ZNF512B: variants seen among roughly 807,000 people sequenced by gnomAD.
ZNF512B encodes the protein zinc finger protein 512B.
ZNF512B carries 22 observed loss-of-function variants against 87.8 expected under a neutral mutation model. The observed-to-expected ratio is 0.25, with a 90% CI of 0.18 to 0.36. The LOEUF is 0.36. Among genes scored for constraint, ZNF512B ranks in the 10% least tolerant of loss-of-function variants. The probability of loss-of-function intolerance (pLI) is 1.00; values close to 1 mark genes in which losing one functional copy is unlikely to be tolerated. For synonymous variants in ZNF512B, 524 were observed against 490.9 expected, an observed-to-expected ratio of 1.07 and a Z score of -0.89; for missense variants, 1,060 against 1,231.6, an observed-to-expected ratio of 0.86 and a Z score of 2.09.
At position 63,961,755 on chromosome 20, in the gene ZNF512B, G is replaced by A. The variant is rs1490387370; in HGVS notation, c.2328+187C>T. 6.6e-6 allele frequency among the ~76,000 whole-genome samples: 1 copy of A among 152,174 alleles called. No individual in the cohort carries two copies. The highest frequency in any genetic ancestry group is 2.4e-5 in the African/African-American group (1 of 41,434). ...CTCGTTGTCTTGTGGCTGGGGTTGG[G>A]GCGAGGGAGGTGTCCTAGGCTGGCC... On this transcript the variant is annotated intron_variant, in intron 15 of 16. Coordinates refer to ENST00000369888, the MANE Select transcript of ZNF512B (RefSeq NM_020713.3). The surrounding 1 kb of genome is among the most constrained non-coding windows in gnomAD (Gnocchi z 6.4).
intron 5 of ZNF512B, among the ~76,000 whole-genome samples, chr20:63,965,023 C>T (rs1400824373): frequency 3.9e-5 from 1 of 25,430 alleles, no homozygotes. Flanking sequence ...TGACCTGGGA[C>T]GAGCCCCCAT....
At position 63,959,386 on chromosome 20, in the gene ZNF512B, G is replaced by A; in HGVS notation, c.*502C>T. 1 of 163,170 alleles carries A rather than the reference G, an allele frequency of 6.1e-6. No individual in the cohort carries two copies. Among genetic ancestry groups the A allele is most frequent in the Non-Finnish European group, 1.3e-5 (1 of 75,536 alleles). The allele number at this position is 163,170 out of a possible 1,614,324, so 10.1% of individuals were successfully genotyped here. A position where few individuals can be genotyped will look rare whatever the true frequency, so the allele number is the denominator to read the frequency against. ...GTCAGACAGGGGTCTGTCCTGGGAGGTAGCTGGGGGTGCTGGAGTTCCAGT... is the reference window on the plus strand; with the variant it reads ...GTCAGACAGGGGTCTGTCCTGGGAGATAGCTGGGGGTGCTGGAGTTCCAGT... On this transcript the variant is annotated 3_prime_UTR_variant, in exon 17 of 17. Coordinates refer to ENST00000369888, the MANE Select transcript of ZNF512B (RefSeq NM_020713.3).
intron 1 of ZNF512B, among the ~76,000 whole-genome samples, chr20:63,969,499 G>C (rs1245299440): frequency 6.6e-6 from 1 of 150,904 alleles, no homozygotes; most frequent in Non-Finnish European, 1.5e-5. Flanking sequence ...GCGCACCTGG[G>C]GCCAGCCTCG....
At position 63,963,412 on chromosome 20, in the gene ZNF512B, C is replaced by A; in HGVS notation, c.1727G>T (p.Gly576Val). 6.5e-7 allele frequency: 1 copy of A among 1,548,892 alleles called. No individual in the cohort carries two copies. The highest frequency in any genetic ancestry group is 8.7e-7 in the Non-Finnish European group (1 of 1,151,892). ...KPSDAEASEG[G>V]EQEERERLRK... ...CAGCCTCTCGCGCTCCTCCTGCTCG[C>A]CCCCTTCGGAGGCCTCGGCGTCAGA... Residue 576 changes from glycine to valine, a missense_variant, in exon 11 of 17, where the codon GGC becomes GTC. Physicochemically the swap from Gly to Val is moderately radical, Grantham distance 109. Coordinates refer to ENST00000369888, the MANE Select transcript of ZNF512B (RefSeq NM_020713.3).
At chr20:63,966,002 A>C in intron 5 of ZNF512B, 139 bp downstream of exon 5, 6 of 1,254,370 alleles carry the variant, frequency 4.8e-6, no homozygotes, top group Non-Finnish European at 6.2e-6. Flanking sequence ...ACGAGCCCCC[A>C]TACCTTTTCT....
rs1180956655 is a variant in ZNF512B, at chr20:63,959,974, C to T, written c.2593G>A (p.Asp865Asn). The T allele has an allele frequency of 1.2e-6, 2 of 1,612,354 alleles. No individual in the cohort carries two copies. The highest frequency in any genetic ancestry group is 1.7e-6 in the Non-Finnish European group (2 of 1,179,986). The change falls in exon 17 of 17, where the codon GAC becomes AAC. Residue 865 changes from aspartate (D) to asparagine (N), a missense_variant. By Grantham distance (23) the Asp-to-Asn change is conservative. Transcript: ENST00000369888. ...TCTCTGCATCCTGGAGGCCAGTCGTCCCGGCGCGGGGGCAGCTTGGCCACA... is the reference window on the plus strand; with the variant it reads ...TCTCTGCATCCTGGAGGCCAGTCGTTCCGGCGCGGGGGCAGCTTGGCCACA... Reference protein sequence around the residue: ...EPVAKLPPRRDDWPPGCRDKG... With the variant: ...EPVAKLPPRRNDWPPGCRDKG...
At position 63,959,981 on chromosome 20, in the gene ZNF512B, C is replaced by G. The variant is rs149724093; in HGVS notation, c.2586G>C (p.Pro862=). 1 of 1,612,700 alleles carries G rather than the reference C, an allele frequency of 6.2e-7. No homozygotes were observed. Among genetic ancestry groups the G allele is most frequent in the South Asian group, 1.1e-5 (1 of 91,086 alleles). ...ATCCTGGAGGCCAGTCGTCCCGGCG[C>G]GGGGGCAGCTTGGCCACAGGCTCCT... ...TPEEPVAKLP[P]RRDDWPPGCR... The change falls in exon 17 of 17, where the codon CCG becomes CCC. Residue 862 remains proline, a synonymous_variant. Transcript: ENST00000369888.
intron 16 of ZNF512B, among the ~76,000 whole-genome samples, chr20:63,960,582 G>A (rs1456136866): frequency 5.7e-5 from 6 of 105,186 alleles, no homozygotes; most frequent in Admixed American, 9.2e-5. Context: ...GGACCAGGCA[G>A]GCACCTGCCG....
At chr20:63,964,752 C>T (rs2058903307) in intron 5 of ZNF512B, 36 bp from the exon 6 acceptor site, 2 of 1,600,326 alleles carry the variant, frequency 1.2e-6, no homozygotes, top group Non-Finnish European at 1.7e-6. Context: ...CCAGGAGGGC[C>T]TAACTGTGGG....
Position 63,959,979 on chromosome 20 carries a change from C to A in ZNF512B, c.2588G>T (p.Arg863Leu). 6.2e-7 allele frequency: 1 copy of A among 1,612,626 alleles called. No individual in the cohort carries two copies. Among genetic ancestry groups the A allele is most frequent in the Non-Finnish European group, 8.5e-7 (1 of 1,179,982 alleles). ...GCATCCTGGAGGCCAGTCGTCCCGG[C>A]GCGGGGGCAGCTTGGCCACAGGCTC... Reference protein sequence around the residue: ...PEEPVAKLPPRRDDWPPGCRD... With the variant: ...PEEPVAKLPPLRDDWPPGCRD... The change falls in exon 17 of 17, where the codon CGC becomes CTC. Residue 863 changes from arginine (R) to leucine (L), a missense_variant. Arg to Leu is a moderately radical substitution (Grantham distance 102). Transcript: ENST00000369888.
Position 63,961,443 on chromosome 20 carries a change from G to A in ZNF512B, c.2329-36C>T, listed in dbSNP as rs1343346931. The A allele has an allele frequency of 1.3e-6, 2 of 1,588,088 alleles. No homozygotes were observed. The highest frequency in any genetic ancestry group is 1.3e-5 in the African/African-American group (1 of 74,116). On this transcript the variant is annotated intron_variant, in intron 15 of 16. Coordinates refer to ENST00000369888, the MANE Select transcript of ZNF512B (RefSeq NM_020713.3). The surrounding 1 kb of genome is among the most constrained non-coding windows in gnomAD (Gnocchi z 6.4). ...TAGGCAGGCCAGTGCCCCAGCCCTT[G>A]GAGGACCCAGATCTGTCCTAAGCCC...
intron 12 of ZNF512B, 33 bp from the exon 13 acceptor site, chr20:63,962,814 A>C: frequency 6.4e-7 from 1 of 1,550,728 alleles, no homozygotes. Context: ...GGCTAGAGTG[A>C]GCCGCGGGAG....
intron 1 of ZNF512B, 72 bp downstream of exon 1, chr20:63,969,742 G>T: frequency 6.9e-6 from 1 of 144,934 alleles, no homozygotes; most frequent in South Asian, 1.9e-4. Flanking sequence ...CTGCGCGCAG[G>T]GTCGAGATCC....
chr20:63,962,833 A>G (rs769846342), intron 12 of ZNF512B, 52 bp from the exon 13 acceptor site: 13 of 1,511,042 alleles, frequency 8.6e-6, no homozygotes, highest in Non-Finnish European at 1.1e-5. Flanking sequence ...AGCAAGAGTC[A>G]GGTCAGCGCG....
Position 63,962,335 on chromosome 20 carries a change from G to C in ZNF512B, c.2203C>G (p.Gln735Glu), listed in dbSNP as rs766116836. Residue 735 changes from glutamine to glutamate, a missense_variant, in exon 14 of 17, where the codon CAG becomes GAG. Around this residue, in one of 9 missense-constraint regions of ZNF512B, gnomAD observed 253 missense variants for 259.2 expected, o/e 0.98. Transcript: ENST00000369888. ...TCATTCTTCCATGCCTCTAGCAGCT[G>C]GGGGTTCAGCGTGGGGAGCCCTGGT... ...TRPGLPTLNP[Q>E]LLEAWKNEVK... 42 of 1,612,794 alleles carry C rather than the reference G, an allele frequency of 2.6e-5. No homozygotes were observed. In the Middle Eastern group the frequency reaches 4.9e-4, roughly 19 times the overall value.
chr20:63,969,792 C>A, intron 1 of ZNF512B, 22 bp downstream of exon 1: 1 of 117,708 alleles, frequency 8.5e-6, no homozygotes, highest in South Asian at 2.5e-4. Flanking sequence ...AGAATGGGTC[C>A]GGGGCGCGGC....
At chr20:63,962,421 C>T in intron 13 of ZNF512B, 47 bp from the exon 14 acceptor site, 2 of 1,577,020 alleles carry the variant, frequency 1.3e-6, no homozygotes, top group Non-Finnish European at 1.7e-6. Flanking sequence ...AGAAGACACC[C>T]CAGCTGCTCT....
In ZNF512B at chr20:63,963,831, C is replaced by T; in HGVS notation, c.1563G>A (p.Lys521=). The part of the protein sequence containing the change: ...VCPTCNVVTR[K]TLVGLKKHME... ...TGTGCTTCTTAAGCCCCACGAGAGT[C>T]TTCCGGGTGACCACGTTGCAGGTGG... is the stretch of plus-strand genomic sequence containing the variant. Residue 521 remains lysine (K), a synonymous_variant, in exon 9 of 17, where the codon AAG becomes AAA. Coordinates refer to ENST00000369888, the MANE Select transcript of ZNF512B (RefSeq NM_020713.3). 6.2e-7 allele frequency: 1 copy of T among 1,612,916 alleles called. No individual in the cohort carries two copies. Among genetic ancestry groups the T allele is most frequent in the East Asian group, 2.2e-5 (1 of 44,884 alleles).
intron 8 of ZNF512B, 36 bp from the exon 9 acceptor site, chr20:63,963,949 G>A (rs1398989560): frequency 1.9e-6 from 3 of 1,604,068 alleles, no homozygotes; most frequent in South Asian, 1.1e-5. Context: ...GGCTTGTGGG[G>A]GCTGCTGGGT....
Sources: allele counts gnomAD v4.1 joint callset (sites outside exome capture counted in the v4.1 genomes callset), GRCh38; gene constraint gnomAD v4.1.1; regional missense constraint gnomAD v4.1.1; non-coding constraint Gnocchi (gnomAD v3.1); transcripts MANE v1.5; gene names NCBI Gene and HGNC (gene_info 2026-07-23, HGNC 2026-07-21).